The following LGR4 variants were observed in gnomAD, a reference collection of about 807,000 sequenced individuals.
LGR4 encodes leucine-rich repeat-containing G protein-coupled receptor 4.
LGR4 carries 44 observed loss-of-function variants against 84.8 expected under a neutral mutation model. The ratio of observed to expected loss-of-function variants is 0.52; its 90% CI spans 0.41 to 0.67. LGR4 has a LOEUF of 0.67. Among genes scored for constraint, LGR4 ranks in the 30% least tolerant of loss-of-function variants. LGR4 has a pLI of 0.00. For synonymous variants in LGR4, 429 were observed against 434.3 expected (o/e 0.99, Z 0.15); for missense variants, 1,032 against 1,131.4 (o/e 0.91, Z 1.26).
intron 1 of LGR4, among the ~76,000 whole-genome samples, chr11:27,431,013 T>C (rs1313571261): frequency 6.6e-6 from 1 of 152,040 alleles, no homozygotes; most frequent in Non-Finnish European, 1.5e-5. Flanking sequence ...TACCTCCTGG[T>C]TTTCTCTCAA....
chr11:27,376,667 A>G (rs935027647), intron 12 of LGR4, among the ~76,000 whole-genome samples: 1 of 152,138 alleles, frequency 6.6e-6, no homozygotes, highest in Non-Finnish European at 1.5e-5. Flanking sequence ...TCCCCCATCA[A>G]CCCCACTCAG....
chr11:27,417,753 A>T (rs896634244), intron 1 of LGR4, among the ~76,000 whole-genome samples: 1 of 152,164 alleles, frequency 6.6e-6, no homozygotes, highest in African/African-American at 2.4e-5. Flanking sequence ...ATTTTTTTCT[A>T]TGTATGGTAT....
chr11:27,406,498 CAG>C (rs1364315373), intron 2 of LGR4, among the ~76,000 whole-genome samples: 11 of 152,076 alleles, frequency 7.2e-5, no homozygotes, highest in Admixed American at 2.0e-4. Flanking sequence ...TGATAGCTCA[CAG>C]AGTTTTATGA....
At chr11:27,431,820 T>G (rs1030822634) in intron 1 of LGR4, among the ~76,000 whole-genome samples, 1 of 152,250 alleles carries the variant, frequency 6.6e-6, no homozygotes, top group Non-Finnish European at 1.5e-5. Context: ...CTGCCTGAGT[T>G]CAAATCCAAG....
At position 27,367,569 on chromosome 11, in the gene LGR4, T is replaced by C. The variant is rs1862790774; in HGVS notation, c.*298A>G. The C allele has an allele frequency of 4.4e-6, 1 of 224,806 alleles. No homozygotes were observed. The highest frequency in any genetic ancestry group is 8.7e-6 in the Non-Finnish European group (1 of 115,422). 13.9% of individuals were successfully genotyped at this position (224,806 alleles called of 1,614,324 possible). On this transcript the variant is annotated 3_prime_UTR_variant, in exon 18 of 18. Transcript: ENST00000379214. The stretch of plus-strand genomic sequence containing the variant: ...CACAAATAGGTATAAATTTGCTTCT[T>C]ATGGATCAGAAAAAACTAACATTAT...
intron 1 of LGR4, among the ~76,000 whole-genome samples, chr11:27,446,866 T>A (rs561130391): frequency 2.0e-5 from 3 of 152,174 alleles, no homozygotes; most frequent in African/African-American, 7.2e-5. Flanking sequence ...TAAAAAATGA[T>A]GAGTTCATGT....
intron 1 of LGR4, among the ~76,000 whole-genome samples, chr11:27,420,590 TAAC>T (rs932996879): frequency 2.6e-5 from 4 of 152,204 alleles, no homozygotes; most frequent in African/African-American, 7.2e-5. Flanking sequence ...AGTATGTTCA[TAAC>T]AATTATTTAG....
At chr11:27,438,474 C>T (rs1440798941) in intron 1 of LGR4, among the ~76,000 whole-genome samples, 2 of 152,050 alleles carry the variant, frequency 1.3e-5, no homozygotes, top group Non-Finnish European at 2.9e-5. Flanking sequence ...GTTAAGCCTC[C>T]TACAATGCCT....
chr11:27,394,762 T>C (rs1409986098), intron 2 of LGR4, among the ~76,000 whole-genome samples: 1 of 152,132 alleles, frequency 6.6e-6, no homozygotes, highest in African/African-American at 2.4e-5. Flanking sequence ...TCAGTTCTTA[T>C]AAATGTGCCC....
At chr11:27,384,459 A>G (rs1446924568) in intron 5 of LGR4, 52 bp from the exon 6 acceptor site, 2 of 1,225,432 alleles carry the variant, frequency 1.6e-6, no homozygotes, top group Admixed American at 1.7e-5. Context: ...ATTGGCAACT[A>G]TTATCATTGT....
chr11:27,447,999 T>C (rs977970481), intron 1 of LGR4, among the ~76,000 whole-genome samples: 3 of 152,238 alleles, frequency 2.0e-5, no homozygotes, highest in Non-Finnish European at 4.4e-5. Flanking sequence ...GCACCATGTA[T>C]GCATTCCAGG....
chr11:27,458,795 T>G (rs965762472), intron 1 of LGR4, among the ~76,000 whole-genome samples: 2 of 152,156 alleles, frequency 1.3e-5, no homozygotes, highest in African/African-American at 2.4e-5. Context: ...CACCTTGGCC[T>G]CCCAAAGTGC....
intron 1 of LGR4, among the ~76,000 whole-genome samples, chr11:27,422,720 C>G (rs370867729): frequency 5.3e-4 from 80 of 152,298 alleles, no homozygotes; most frequent in African/African-American, 1.8e-3. Flanking sequence ...CAGCTGCCTT[C>G]CTAGTACCAC....
chr11:27,392,218 G>T (rs1011112169), intron 3 of LGR4, among the ~76,000 whole-genome samples: 1 of 152,068 alleles, frequency 6.6e-6, no homozygotes. Context: ...ACATTCAACC[G>T]TAATATACTG....
chr11:27,470,282 A>G (rs1295439842), intron 1 of LGR4, among the ~76,000 whole-genome samples: 1 of 152,224 alleles, frequency 6.6e-6, no homozygotes, highest in Non-Finnish European at 1.5e-5. Flanking sequence ...GAGTTCTACC[A>G]GAAGATGCTT....
At chr11:27,398,810 G>A (rs918433625) in intron 2 of LGR4, among the ~76,000 whole-genome samples, 11 of 152,160 alleles carry the variant, frequency 7.2e-5, no homozygotes, top group Non-Finnish European at 1.6e-4. Flanking sequence ...CTCCCGTCAA[G>A]TCCTGCCTGA....
At position 27,366,751 on chromosome 11, in the gene LGR4, C is replaced by T. The variant is rs995117024; in HGVS notation, c.*1116G>A. On this transcript the variant is annotated 3_prime_UTR_variant, in exon 18 of 18. Coordinates refer to ENST00000379214, the MANE Select transcript of LGR4 (RefSeq NM_018490.5). ...ATTAATAACATATTATCTTGTTTAA[C>T]CAGAGTTCAACCTCTGAGCTATTGA... The T allele has an allele frequency of 5.9e-5, 9 of 152,268 alleles. No individual in the cohort carries two copies. The highest frequency in any genetic ancestry group is 1.9e-4 in the African/African-American group (8 of 41,426). The allele number at this position is 152,268 out of a possible 1,614,324, so 9.4% of individuals were successfully genotyped here.
chr11:27,413,945 T>G (rs78722170), intron 1 of LGR4, among the ~76,000 whole-genome samples: 1,573 of 152,192 alleles, frequency 0.01, 24 homozygotes, highest in African/African-American at 0.036. Flanking sequence ...AATTTAGAAA[T>G]GGAATCTACA....
intron 7 of LGR4, among the ~76,000 whole-genome samples, chr11:27,381,379 C>T (rs1863089882): frequency 6.6e-6 from 1 of 152,156 alleles, no homozygotes; most frequent in African/African-American, 2.4e-5. Flanking sequence ...CTAACTCTAC[C>T]CATGACAAAC....
Sources: gnomAD v4.1 joint callset for allele counts (sites outside exome capture counted in the v4.1 genomes callset) on GRCh38, gnomAD v4.1.1 for gene constraint, MANE v1.5 for transcripts, NCBI Gene and HGNC (gene_info 2026-07-23, HGNC 2026-07-21) for gene names.